The following OSMR variants were observed in gnomAD, a reference collection of about 807,000 sequenced individuals.
OSMR encodes oncostatin M receptor, also known as oncostatin-M-specific receptor subunit beta.
A neutral mutation model predicts 99.9 loss-of-function variants in OSMR; 81 were observed. The ratio of observed to expected loss-of-function variants is 0.81; its 90% CI spans 0.68 to 0.97. OSMR has a LOEUF of 0.97. Ranked by LOEUF, OSMR falls within the 50% of genes least tolerant of loss-of-function variation. OSMR has a pLI of 0.00. For synonymous variants in OSMR, 406 were observed against 410.4 expected, an observed-to-expected ratio of 0.99 and a Z score of 0.13; for missense variants, 1,099 against 1,153.4, an observed-to-expected ratio of 0.95 and a Z score of 0.68.
chr5:38,916,458 A>G (rs1415244829), intron 9 of OSMR, among the ~76,000 whole-genome samples: 1 of 152,210 alleles, frequency 6.6e-6, no homozygotes, highest in Non-Finnish European at 1.5e-5. Context: ...CCTTATCTAG[A>G]GAATGGGGTA....
chr5:38,859,983 G>C (rs554444208), intron 1 of OSMR, among the ~76,000 whole-genome samples: 5 of 152,126 alleles, frequency 3.3e-5, no homozygotes, highest in Admixed American at 6.5e-5. Context: ...TTTTTGTGGA[G>C]TCTAGGTTTT....
chr5:38,943,176 T>A (rs1284945677), intron 1 of OSMR: 15 of 426,294 alleles, frequency 3.5e-5, no homozygotes, highest in East Asian at 1.1e-4. Flanking sequence ...TTAAAAAAAA[T>A]GATTATCAAA....
intron 1 of OSMR, among the ~76,000 whole-genome samples, chr5:38,864,479 A>T (rs1741773020): frequency 6.6e-6 from 1 of 151,792 alleles, no homozygotes; most frequent in Admixed American, 6.6e-5. Context: ...TTATCTTGGA[A>T]AGACTATTTC....
At chr5:38,923,483 C>T (rs888712250) in intron 13 of OSMR, among the ~76,000 whole-genome samples, 3 of 152,178 alleles carry the variant, frequency 2.0e-5, no homozygotes, top group Admixed American at 1.3e-4. Flanking sequence ...CTCTTATACC[C>T]TATGTGAATA....
At position 38,876,238 on chromosome 5, in the gene OSMR, T is replaced by C; in HGVS notation, c.111T>C (p.Leu37=). Residue 37 remains leucine (L), a synonymous_variant, in exon 3 of 18, where the codon CTT becomes CTC. Coordinates refer to ENST00000274276, the MANE Select transcript of OSMR (RefSeq NM_003999.3). ...GTTTACCATTGACTCCTGTATCACT[T>C]AAAGTTTCCACCAATTCTACGCGTC... ...AERLPLTPVS[L]KVSTNSTRQS... 1 of 1,613,904 alleles carries C rather than the reference T, an allele frequency of 6.2e-7. No homozygotes were observed. The highest frequency in any genetic ancestry group is 8.5e-7 in the Non-Finnish European group (1 of 1,179,836).
At chr5:38,928,170 C>T (rs1746556169) in intron 15 of OSMR, among the ~76,000 whole-genome samples, 1 of 151,424 alleles carries the variant, frequency 6.6e-6, no homozygotes, top group Non-Finnish European at 1.5e-5. Flanking sequence ...CTTCTGAGCC[C>T]TCCAAGTCTC....
downstream of OSMR, among the ~76,000 whole-genome samples, chr5:38,936,277 T>TGTCA (rs1256700101): frequency 6.6e-6 from 1 of 152,198 alleles, no homozygotes; most frequent in Non-Finnish European, 1.5e-5. Context: ...CATGATTTCA[T>TGTCA]GTCAATATCT....
At chr5:38,932,416 G>T (rs765268004) in intron 16 of OSMR, 47 bp from the exon 17 acceptor site, 1 of 1,384,898 alleles carries the variant, frequency 7.2e-7, no homozygotes, top group Non-Finnish European at 1.0e-6. Flanking sequence ...CTCTTAACTC[G>T]TCCACTGTAC....
At chr5:38,904,553 A>C in intron 9 of OSMR, 50 bp downstream of exon 9, 1 of 1,611,866 alleles carries the variant, frequency 6.2e-7, no homozygotes, top group Non-Finnish European at 8.5e-7. Context: ...CTTAGGAGTT[A>C]GACTGGTTTC....
At chr5:38,897,367 C>G (rs1475875687) in intron 7 of OSMR, among the ~76,000 whole-genome samples, 1 of 151,942 alleles carries the variant, frequency 6.6e-6, no homozygotes, top group African/African-American at 2.4e-5. Context: ...CTTCATGGTT[C>G]AATATTCTTA....
At chr5:38,917,480 A>T in intron 9 of OSMR, 66 bp from the exon 10 acceptor site, 1 of 1,597,478 alleles carries the variant, frequency 6.3e-7, no homozygotes. Flanking sequence ...CCGTCCTAGA[A>T]AAAGGTTGAG....
intron 3 of OSMR, among the ~76,000 whole-genome samples, chr5:38,878,106 C>T (rs1278132694): frequency 6.6e-6 from 1 of 152,176 alleles, no homozygotes; most frequent in East Asian, 1.9e-4. Context: ...GATCATCCTT[C>T]ACTCCTGTGC....
At chr5:38,872,767 A>G (rs1742485397) in intron 2 of OSMR, among the ~76,000 whole-genome samples, 1 of 152,112 alleles carries the variant, frequency 6.6e-6, no homozygotes, top group East Asian at 1.9e-4. Context: ...ACTTCCCTTT[A>G]TTTGTTTAAA....
At chr5:38,944,832 A>G in intron 2 of OSMR, 1 of 1,320,510 alleles carries the variant, frequency 7.6e-7, no homozygotes. Flanking sequence ...TTTAATTTAC[A>G]GTATTTACGA....
At chr5:38,884,653 G>A (rs1027825217) in intron 5 of OSMR, among the ~76,000 whole-genome samples, 2 of 152,202 alleles carry the variant, frequency 1.3e-5, no homozygotes, top group African/African-American at 4.8e-5. Context: ...GCATGCAGTA[G>A]GAGATCAGCA....
intron 9 of OSMR, among the ~76,000 whole-genome samples, chr5:38,907,306 G>C (rs754408356): frequency 6.6e-6 from 1 of 152,182 alleles, no homozygotes; most frequent in Non-Finnish European, 1.5e-5. Flanking sequence ...TTGGAATCCA[G>C]GCAGCAGGAA....
downstream of OSMR, chr5:38,940,233 G>C: frequency 4.3e-6 from 1 of 231,610 alleles, no homozygotes. Flanking sequence ...GATAGTGATG[G>C]TGGGGGAGGG....
Position 38,919,070 on chromosome 5 carries a change from T to C in OSMR, c.1585+8T>C, listed in dbSNP as rs761119422. On this transcript the variant is annotated splice_region_variant and intron_variant, in intron 11 of 17. Coordinates refer to ENST00000274276, the MANE Select transcript of OSMR (RefSeq NM_003999.3). ...CTGCAGACCCCGAAAACAGTGAGTTTGTTTTCATTTTCTTTTGTTTTTATT... is the reference window on the plus strand; with the variant it reads ...CTGCAGACCCCGAAAACAGTGAGTTCGTTTTCATTTTCTTTTGTTTTTATT... 6.2e-7 allele frequency: 1 copy of C among 1,613,924 alleles called. No individual in the cohort carries two copies. The highest frequency in any genetic ancestry group is 2.2e-5 in the East Asian group (1 of 44,870).
chr5:38,938,037 C>G (rs970351574), downstream of OSMR: 3 of 202,834 alleles, frequency 1.5e-5, 1 homozygote, highest in Admixed American at 6.0e-5. Flanking sequence ...AAGAAAATCA[C>G]AACAAAAAAA....
Sources: allele counts gnomAD v4.1 joint callset (sites outside exome capture counted in the v4.1 genomes callset), GRCh38; gene constraint gnomAD v4.1.1; transcripts MANE v1.5; gene names NCBI Gene and HGNC (gene_info 2026-07-23, HGNC 2026-07-21).